Variants in RIMS1 observed in about 807,000 individuals in gnomAD.
The protein encoded by RIMS1 is regulating synaptic membrane exocytosis protein 1.
RIMS1 carries 83 observed loss-of-function variants against 214.1 expected under a neutral mutation model. The ratio of observed to expected loss-of-function variants is 0.39; its 90% CI spans 0.32 to 0.47. RIMS1 has a LOEUF of 0.47. Ranked by LOEUF, RIMS1 falls within the 20% of genes least tolerant of loss-of-function variation. RIMS1 has a pLI of 0.99. For synonymous variants in RIMS1, 793 were observed against 786.8 expected (o/e 1.01, Z -0.13); for missense variants, 2,050 against 2,161.8 (o/e 0.95, Z 1.03).
chr6:72,376,119 C>T (rs960980094), intron 29 of RIMS1, among the ~76,000 whole-genome samples: 4 of 152,126 alleles, frequency 2.6e-5, no homozygotes, highest in Non-Finnish European at 5.9e-5. Context: ...CTTCTTAAAT[C>T]AAATCTTTGT....
At chr6:71,933,081 T>A (rs991328413) in intron 1 of RIMS1, among the ~76,000 whole-genome samples, 3 of 152,104 alleles carry the variant, frequency 2.0e-5, no homozygotes, top group African/African-American at 7.2e-5. Context: ...AGGCATATCA[T>A]CAGTGCTTCA....
Position 72,098,914 on chromosome 6 carries a change from T to C in RIMS1, c.460-1061T>C, listed in dbSNP as rs185385437. Among the ~76,000 whole-genome samples the C allele has an allele frequency of 1.4e-3, 217 of 152,308 alleles. 1 individual carries two copies. Among genetic ancestry groups the C allele is most frequent in the African/African-American group, 5.0e-3 (206 of 41,574 alleles). On this transcript the variant is annotated intron_variant, in intron 3 of 33. Coordinates refer to ENST00000521978, the MANE Select transcript of RIMS1 (RefSeq NM_014989.7). ...GGATATTAAGGTTGTATCTGGCACA[T>C]AGAAAGTACATAAGATCTATTTGTT...
At chr6:71,949,256 C>T (rs938611336) in intron 1 of RIMS1, among the ~76,000 whole-genome samples, 1 of 152,130 alleles carries the variant, frequency 6.6e-6, no homozygotes, top group African/African-American at 2.4e-5. Flanking sequence ...TTTTTGGGGA[C>T]ATCACCTCCT....
chr6:72,189,234 G>T (rs2049643585), intron 6 of RIMS1, among the ~76,000 whole-genome samples: 1 of 152,154 alleles, frequency 6.6e-6, no homozygotes, highest in African/African-American at 2.4e-5. Flanking sequence ...CCTGAGCCCT[G>T]CAAAGTATTA....
chr6:72,216,924 G>A (rs1486365866), intron 6 of RIMS1: 2 of 1,274,266 alleles, frequency 1.6e-6, no homozygotes, highest in East Asian at 7.0e-5. Flanking sequence ...GATTAATGCT[G>A]TAATCAATGA....
At chr6:72,075,352 C>T (rs1241859840) in intron 2 of RIMS1, among the ~76,000 whole-genome samples, 1 of 152,188 alleles carries the variant, frequency 6.6e-6, no homozygotes, top group African/African-American at 2.4e-5. Flanking sequence ...AAACGATCCT[C>T]CTGCCTCAAC....
rs571013671 is a variant in RIMS1, at chr6:72,240,505, C to T, written c.1958-1809C>T. On this transcript the variant is annotated intron_variant, in intron 9 of 33. Coordinates refer to ENST00000521978, the MANE Select transcript of RIMS1 (RefSeq NM_014989.7). ...CATATAATATGAATATATATACACA[C>T]GCACATATATACATGTTCATATTAT... 4.0e-5 allele frequency among the ~76,000 whole-genome samples: 6 copies of T among 151,122 alleles called. No individual in the cohort carries two copies. The East Asian group carries it at 5.8e-4, about 15-fold the overall frequency.
intron 2 of RIMS1, among the ~76,000 whole-genome samples, chr6:72,080,249 G>A (rs1833029954): frequency 6.6e-6 from 1 of 151,972 alleles, no homozygotes; most frequent in South Asian, 2.1e-4. Flanking sequence ...GGGCAACACA[G>A]CGCGACTCCA....
chr6:72,334,243 C>T (rs925733281), intron 29 of RIMS1, among the ~76,000 whole-genome samples: 12 of 151,754 alleles, frequency 7.9e-5, no homozygotes, highest in South Asian at 4.1e-4. Context: ...AGTTGTGCAA[C>T]GTGACATATA....
In RIMS1 at chr6:72,250,405, G is replaced by A. The variant is rs931989177; in HGVS notation, c.2317G>A (p.Val773Ile). 5.6e-6 allele frequency: 9 copies of A among 1,608,384 alleles called. No individual in the cohort carries two copies. Among genetic ancestry groups the A allele is most frequent in the African/African-American group, 1.3e-5 (1 of 74,772 alleles). The change falls in exon 13 of 34, where the codon GTA becomes ATA. Residue 773 changes from valine (V) to isoleucine (I), a missense_variant. By Grantham distance (29) the Val-to-Ile change is conservative. This residue lies in a region of RIMS1 where 889 missense variants were observed against 885.5 expected (regional missense o/e 1.00). Transcript: ENST00000521978. ...VLQATDLPAR[V>I]DGRPRNPYVK... ...GCAAGCAACAGATCTACCTGCTAGAGTAGATGGACGTCCTCGAAATCCCTA... is the reference window on the plus strand; with the variant it reads ...GCAAGCAACAGATCTACCTGCTAGAATAGATGGACGTCCTCGAAATCCCTA...
In RIMS1 at chr6:72,143,656, CG is replaced by C. The variant is rs550905555; in HGVS notation, c.472-35918del. 1.7e-3 allele frequency among the ~76,000 whole-genome samples: 262 copies of C among 152,290 alleles called. 1 individual carries two copies. The highest frequency in any genetic ancestry group is 6.2e-3 in the African/African-American group (257 of 41,560). On this transcript the variant is annotated intron_variant, in intron 4 of 33. Coordinates refer to ENST00000521978, the MANE Select transcript of RIMS1 (RefSeq NM_014989.7). ...TTGGTGATGAACCAGCCTTCTATCACGCTGTGTTGGTATTTAGTTGATGTTT... is the reference window on the plus strand; with the variant it reads ...TTGGTGATGAACCAGCCTTCTATCACCTGTGTTGGTATTTAGTTGATGTTT...
At chr6:72,094,231 T>C (rs1176380118) in intron 2 of RIMS1, among the ~76,000 whole-genome samples, 1 of 152,214 alleles carries the variant, frequency 6.6e-6, no homozygotes, top group East Asian at 1.9e-4. Flanking sequence ...AACTATTTGC[T>C]AAACTGCATT....
At chr6:71,895,393 G>A (rs112889057) in intron 1 of RIMS1, among the ~76,000 whole-genome samples, 2 of 152,194 alleles carry the variant, frequency 1.3e-5, no homozygotes, top group Non-Finnish European at 2.9e-5. Flanking sequence ...AACTCTTTGA[G>A]GCCGGGTGCG....
At chr6:71,992,516 C>G (rs185675921) in intron 2 of RIMS1, among the ~76,000 whole-genome samples, 3 of 149,080 alleles carry the variant, frequency 2.0e-5, no homozygotes, top group Admixed American at 1.3e-4. Flanking sequence ...TCCTCCTCCT[C>G]CTCTTCCTCC....
chr6:72,236,406 C>G (rs1393155249), intron 8 of RIMS1, among the ~76,000 whole-genome samples: 1 of 152,074 alleles, frequency 6.6e-6, no homozygotes, highest in Non-Finnish European at 1.5e-5. Flanking sequence ...TGCTTTGAAT[C>G]TACAGTCTTT....
At chr6:72,399,731 TAA>T (rs762336715) in intron 33 of RIMS1, among the ~76,000 whole-genome samples, 10 of 152,174 alleles carry the variant, frequency 6.6e-5, no homozygotes, top group Non-Finnish European at 1.0e-4. Flanking sequence ...CAGTAAATTT[TAA>T]AGACATGATT....
chr6:72,378,919 T>A (rs1440981832), intron 29 of RIMS1, among the ~76,000 whole-genome samples: 1 of 152,124 alleles, frequency 6.6e-6, no homozygotes, highest in Admixed American at 6.5e-5. Flanking sequence ...TAATAAACGG[T>A]GTTTATTGCT....
intron 10 of RIMS1, among the ~76,000 whole-genome samples, chr6:72,243,068 C>G (rs376103154): frequency 6.6e-6 from 1 of 151,648 alleles, no homozygotes. Flanking sequence ...CTTTTTCTGG[C>G]AAACCCACAT....
intron 4 of RIMS1, among the ~76,000 whole-genome samples, chr6:72,139,585 G>C (rs900945276): frequency 6.6e-6 from 1 of 151,832 alleles, no homozygotes; most frequent in Admixed American, 6.6e-5. Context: ...GTTTCCCTAG[G>C]GTCTGGTTAG....
Sources: gnomAD v4.1 joint callset for allele counts (sites outside exome capture counted in the v4.1 genomes callset) on GRCh38, gnomAD v4.1.1 for gene constraint, gnomAD v4.1.1 regional missense constraint, MANE v1.5 for transcripts, NCBI Gene and HGNC (gene_info 2026-07-23, HGNC 2026-07-21) for gene names.